The following ST3GAL4 variants were observed in gnomAD, a reference collection of about 807,000 sequenced individuals.
ST3GAL4 encodes the protein ST3 beta-galactoside alpha-2,3-sialyltransferase 4.
A neutral mutation model predicts 42.6 loss-of-function variants in ST3GAL4; 24 were observed. That is an observed-to-expected ratio of 0.56 (90% CI 0.41 to 0.79). ST3GAL4 has a LOEUF of 0.79. ST3GAL4 is among the 30% of genes least tolerant of loss of function. The pLI, the probability that ST3GAL4 is intolerant of heterozygous loss-of-function variation, is 0.00. For missense variants in ST3GAL4, 311 were observed against 430.8 expected, an observed-to-expected ratio of 0.72 and a Z score of 2.46; for synonymous variants, 135 against 163.2, an observed-to-expected ratio of 0.83 and a Z score of 1.32.
chr11:126,356,022 G>A (rs1192423476), intron 1 of ST3GAL4, 180 bp downstream of exon 1: 1 of 152,310 alleles, frequency 6.6e-6, no homozygotes, highest in East Asian at 1.9e-4. Context: ...GCTTTCCGGG[G>A]TCCCTTTCCC....
rs1954513066 is a variant in ST3GAL4 at position 126,411,295 on chromosome 11, A to ACCAC, written c.771+1886_771+1889dup. On this transcript the variant is annotated intron_variant, in intron 9 of 10. Coordinates refer to ENST00000444328, the MANE Select transcript of ST3GAL4 (RefSeq NM_001254757.2). The surrounding 1 kb of genome is among the most constrained non-coding windows in gnomAD (Gnocchi z 6.3). Reference sequence around the variant, plus strand: ...CAAGTAGCTGGGATTACAGGCATGTACCACCACACCTGGCTAATTTTTGTA... The same window carrying ACCAC: ...CAAGTAGCTGGGATTACAGGCATGTACCACCCACCACACCTGGCTAATTTTTGTA... Among the ~76,000 whole-genome samples, 2 of 151,820 alleles carry ACCAC rather than the reference A, an allele frequency of 1.3e-5. No individual in the cohort carries two copies. Among genetic ancestry groups the ACCAC allele is most frequent in the African/African-American group, 4.8e-5 (2 of 41,312 alleles).
At chr11:126,358,571 G>A (rs1952150377) in intron 1 of ST3GAL4, 2 of 403,492 alleles carry the variant, frequency 5.0e-6, no homozygotes, top group South Asian at 1.7e-5. Context: ...AGCTTCACGT[G>A]AGAGCAGCAG....
rs986053229 is a variant in ST3GAL4, at chr11:126,379,582, A to G, written c.-61+23740A>G. On this transcript the variant is annotated intron_variant, in intron 1 of 10. Transcript: ENST00000444328. The surrounding 1 kb of genome is among the most constrained non-coding windows in gnomAD (Gnocchi z 4.2). The stretch of plus-strand genomic sequence containing the variant: ...AACCTCCACCTCCCGGGTTCAAGTA[A>G]TTCTCCTGCCTCATCCTCCTGAGTA... Among the ~76,000 whole-genome samples, 11 of 152,226 alleles carry G rather than the reference A, an allele frequency of 7.2e-5. No homozygotes were observed. The South Asian group carries it at 1.0e-3, about 14-fold the overall frequency.
At position 126,384,738 on chromosome 11, in the gene ST3GAL4, G is replaced by T; in HGVS notation, c.-60-21358G>T. 1 of 985,392 alleles carries T rather than the reference G, an allele frequency of 1.0e-6. No homozygotes were observed. Among genetic ancestry groups the T allele is most frequent in the Non-Finnish European group, 1.2e-6 (1 of 829,910 alleles). 61.0% of individuals were successfully genotyped at this position (985,392 alleles called of 1,614,324 possible). A position where few individuals can be genotyped will look rare whatever the true frequency, so the allele number is the denominator to read the frequency against. On this transcript the variant is annotated intron_variant, in intron 1 of 10. Transcript: ENST00000444328. The surrounding 1 kb of genome is among the most constrained non-coding windows in gnomAD (Gnocchi z 5.5). The stretch of plus-strand genomic sequence containing the variant: ...CCACACCCCAGCAGCATCTCCTGAG[G>T]CTGGGCCATGGGTGAATCTGAGTCG...
At position 126,396,616 on chromosome 11, in the gene ST3GAL4, G is replaced by T. The variant is rs1269242880; in HGVS notation, c.-60-9480G>T. Among the ~76,000 whole-genome samples, 1 of 151,854 alleles carries T rather than the reference G, an allele frequency of 6.6e-6. No individual in the cohort carries two copies. Among genetic ancestry groups the T allele is most frequent in the Admixed American group, 6.5e-5 (1 of 15,272 alleles). ...TGCGGAGCCTTCGAAGGACTTGGAT[G>T]TGCTTGAGACCCCTTCCCCTAATTG... On this transcript the variant is annotated intron_variant, in intron 1 of 10. Coordinates refer to ENST00000444328, the MANE Select transcript of ST3GAL4 (RefSeq NM_001254757.2). The surrounding 1 kb of genome is among the most constrained non-coding windows in gnomAD (Gnocchi z 5.8).
chr11:126,357,858 G>A (rs1379136030), intron 1 of ST3GAL4, among the ~76,000 whole-genome samples: 3 of 152,236 alleles, frequency 2.0e-5, no homozygotes, highest in Non-Finnish European at 2.9e-5. Context: ...AATGGAATTG[G>A]GAATTCTTCT....
intron 1 of ST3GAL4, among the ~76,000 whole-genome samples, chr11:126,371,714 G>C (rs1350218621): frequency 1.3e-5 from 2 of 152,136 alleles, no homozygotes; most frequent in Admixed American, 1.3e-4. Context: ...TCCATTTTTT[G>C]CTATTGTAAC....
In ST3GAL4 at chr11:126,411,435, G is replaced by A. The variant is rs1954520950; in HGVS notation, c.771+2024G>A. Among the ~76,000 whole-genome samples, 1 of 152,108 alleles carries A rather than the reference G, an allele frequency of 6.6e-6. No individual in the cohort carries two copies. Among genetic ancestry groups the A allele is most frequent in the Non-Finnish European group, 1.5e-5 (1 of 68,026 alleles). ...TTACAGGTGTGAGCCACTGCGCCTG[G>A]CCTGTATTAGCTTTCTGTTGCTCCC... On this transcript the variant is annotated intron_variant, in intron 9 of 10. Transcript: ENST00000444328. The surrounding 1 kb of genome is among the most constrained non-coding windows in gnomAD (Gnocchi z 6.3).
chr11:126,406,072 A>G lies in ST3GAL4; in HGVS notation c.-60-24A>G, dbSNP rs1262755626. The stretch of plus-strand genomic sequence containing the variant: ...CAGGAGAGTTTGTGAAGCTGACCGG[A>G]CACCTGTGGCTCTTATTTCCTAGGT... On this transcript the variant is annotated intron_variant, in intron 1 of 10. Coordinates refer to ENST00000444328, the MANE Select transcript of ST3GAL4 (RefSeq NM_001254757.2). The surrounding 1 kb of genome is among the most constrained non-coding windows in gnomAD (Gnocchi z 5.4). 1.9e-6 allele frequency: 3 copies of G among 1,551,244 alleles called. No homozygotes were observed. The highest frequency in any genetic ancestry group is 1.2e-5 in the South Asian group (1 of 84,052).
intron 1 of ST3GAL4, among the ~76,000 whole-genome samples, chr11:126,388,695 G>A (rs1324460071): frequency 8.4e-6 from 1 of 118,612 alleles, no homozygotes; most frequent in Non-Finnish European, 1.7e-5. Context: ...ATTTACGTGA[G>A]CACATCATAG....
Position 126,366,734 on chromosome 11 carries a change from G to A in ST3GAL4, c.-61+10892G>A, listed in dbSNP as rs1952442688. Among the ~76,000 whole-genome samples, 1 of 152,176 alleles carries A rather than the reference G, an allele frequency of 6.6e-6. No individual in the cohort carries two copies. Among genetic ancestry groups the A allele is most frequent in the Non-Finnish European group, 1.5e-5 (1 of 68,038 alleles). Reference sequence around the variant, plus strand: ...TTCATCAAGCACCAGGCTGACCATGGTGTCCGTCTCAGTGCCCAGCAGATG... The same window carrying A: ...TTCATCAAGCACCAGGCTGACCATGATGTCCGTCTCAGTGCCCAGCAGATG... On this transcript the variant is annotated intron_variant, in intron 1 of 10. Coordinates refer to ENST00000444328, the MANE Select transcript of ST3GAL4 (RefSeq NM_001254757.2). The surrounding 1 kb of genome is among the most constrained non-coding windows in gnomAD (Gnocchi z 4.2).
chr11:126,396,477 T>C lies in ST3GAL4; in HGVS notation c.-60-9619T>C, dbSNP rs1953767211. 6.6e-6 allele frequency among the ~76,000 whole-genome samples: 1 copy of C among 151,970 alleles called. No individual in the cohort carries two copies. Among genetic ancestry groups the C allele is most frequent in the African/African-American group, 2.4e-5 (1 of 41,236 alleles). ...TAGTGGTCCCATGAATACAGCTGTG[T>C]GCCTTGAACACGTACTGCAGAGCTT... On this transcript the variant is annotated intron_variant, in intron 1 of 10. Coordinates refer to ENST00000444328, the MANE Select transcript of ST3GAL4 (RefSeq NM_001254757.2). The surrounding 1 kb of genome is among the most constrained non-coding windows in gnomAD (Gnocchi z 5.8).
Position 126,393,622 on chromosome 11 carries a change from C to G in ST3GAL4, c.-60-12474C>G, listed in dbSNP as rs1026283793. 6.6e-6 allele frequency among the ~76,000 whole-genome samples: 1 copy of G among 152,046 alleles called. No individual in the cohort carries two copies. The highest frequency in any genetic ancestry group is 1.5e-5 in the Non-Finnish European group (1 of 68,010). ...CTTTCTGAAGTGGAGCCTTGGGAGCCGATGAAGCTTAATAAACTCTCCTGG... is the reference window on the plus strand; with the variant it reads ...CTTTCTGAAGTGGAGCCTTGGGAGCGGATGAAGCTTAATAAACTCTCCTGG... On this transcript the variant is annotated intron_variant, in intron 1 of 10. Transcript: ENST00000444328. This position sits in a 1 kb window ranked among gnomAD's most constrained non-coding sequence, Gnocchi z 5.9.
intron 1 of ST3GAL4, among the ~76,000 whole-genome samples, chr11:126,380,117 C>G (rs1952942298): frequency 6.6e-6 from 1 of 151,940 alleles, no homozygotes; most frequent in African/African-American, 2.4e-5. Flanking sequence ...CAAAAATTAG[C>G]CGGGCATGGT....
At position 126,378,549 on chromosome 11, in the gene ST3GAL4, C is replaced by G. The variant is rs191412098; in HGVS notation, c.-61+22707C>G. On this transcript the variant is annotated intron_variant, in intron 1 of 10. Transcript: ENST00000444328. The surrounding 1 kb of genome is among the most constrained non-coding windows in gnomAD (Gnocchi z 5.3). ...TCAGCCTCCCAAGTAGCTGGGACTA[C>G]AGGCACCACCACCACGCCCAGCTAT... is the stretch of plus-strand genomic sequence containing the variant. Among the ~76,000 whole-genome samples, 503 of 152,266 alleles carry G rather than the reference C, an allele frequency of 3.3e-3. 2 individuals carry two copies. The highest frequency in any genetic ancestry group is 0.012 in the African/African-American group (482 of 41,578).
Position 126,398,180 on chromosome 11 carries a change from G to C in ST3GAL4, c.-60-7916G>C, listed in dbSNP as rs1023615582. On this transcript the variant is annotated intron_variant, in intron 1 of 10. Coordinates refer to ENST00000444328, the MANE Select transcript of ST3GAL4 (RefSeq NM_001254757.2). The surrounding 1 kb of genome is among the most constrained non-coding windows in gnomAD (Gnocchi z 4.7). Reference sequence around the variant, plus strand: ...TCATCCTGAATCAAATTCCCCTCCAGTCATGGGCTGTGAAATCAAGCAAGT... The same window carrying C: ...TCATCCTGAATCAAATTCCCCTCCACTCATGGGCTGTGAAATCAAGCAAGT... Among the ~76,000 whole-genome samples the C allele has an allele frequency of 2.6e-5, 4 of 152,192 alleles. No homozygotes were observed. The highest frequency in any genetic ancestry group is 9.7e-5 in the African/African-American group (4 of 41,444).
intron 1 of ST3GAL4, among the ~76,000 whole-genome samples, chr11:126,402,893 C>CG (rs1331184267): frequency 2.0e-5 from 3 of 152,168 alleles, no homozygotes; most frequent in Non-Finnish European, 4.4e-5. Context: ...TCTTCCTACC[C>CG]GGGGGCACCT....
intron 1 of ST3GAL4, among the ~76,000 whole-genome samples, chr11:126,370,814 C>A (rs1381900407): frequency 6.6e-6 from 1 of 151,630 alleles, no homozygotes; most frequent in Non-Finnish European, 1.5e-5. Context: ...TTTGCTGGGA[C>A]TACAGACATG....
At position 126,359,167 on chromosome 11, in the gene ST3GAL4, C is replaced by T. The variant is rs1012538909; in HGVS notation, c.-61+3325C>T. 1.3e-5 allele frequency among the ~76,000 whole-genome samples: 2 copies of T among 152,140 alleles called. No individual in the cohort carries two copies. The highest frequency in any genetic ancestry group is 2.4e-5 in the African/African-American group (1 of 41,404). ...CTGCAGCGACCCTACTTGTGCTCTGCGTCCTCTGCCAACTGCAGCATGGGT... is the reference window on the plus strand; with the variant it reads ...CTGCAGCGACCCTACTTGTGCTCTGTGTCCTCTGCCAACTGCAGCATGGGT... On this transcript the variant is annotated intron_variant, in intron 1 of 10. Coordinates refer to ENST00000444328, the MANE Select transcript of ST3GAL4 (RefSeq NM_001254757.2). The surrounding 1 kb of genome is among the most constrained non-coding windows in gnomAD (Gnocchi z 4.8).
Sources: gnomAD v4.1 joint callset for allele counts (sites outside exome capture counted in the v4.1 genomes callset) on GRCh38, gnomAD v4.1.1 for gene constraint, Gnocchi (gnomAD v3.1) non-coding constraint, MANE v1.5 for transcripts, NCBI Gene and HGNC (gene_info 2026-07-23, HGNC 2026-07-21) for gene names.